The following BCAP31 variants were observed in gnomAD, a reference collection of about 807,000 sequenced individuals.
BCAP31 encodes the protein B cell receptor associated protein 31.
For synonymous variants in BCAP31, 75 were observed against 80.9 expected (o/e 0.93, Z 0.39); for missense variants, 124 against 193.0 (o/e 0.64, Z 2.12).
At chrX:153,718,392 C>T (rs1004878394) in intron 3 of BCAP31, among the ~76,000 whole-genome samples, 2 of 109,311 alleles carry the variant, frequency 1.8e-5, no homozygotes, top group Non-Finnish European at 3.8e-5. Flanking sequence ...ATTGGCTAGG[C>T]TCTGCTATGG....
Position 153,719,693 on chromosome X carries a change from T to A in BCAP31, c.193+1179A>T, listed in dbSNP as rs782391502. Among the ~76,000 whole-genome samples the A allele has an allele frequency of 2.7e-5, 3 of 110,426 alleles. 1 individual carries two copies. The South Asian group carries it at 1.2e-3, about 43-fold the overall frequency. ...AGGCACCACAGCTCTGAGACAAGAGTGGTGTCCACAGCAGAGCCAAGCCAA... is the reference window on the plus strand; with the variant it reads ...AGGCACCACAGCTCTGAGACAAGAGAGGTGTCCACAGCAGAGCCAAGCCAA... On this transcript the variant is annotated intron_variant, in intron 3 of 7. Transcript: ENST00000345046.
At position 153,707,383 on chromosome X, in the gene BCAP31, A is replaced by G. The variant is rs782718329; in HGVS notation, c.342-3289T>C. Among the ~76,000 whole-genome samples the G allele has an allele frequency of 7.7e-3, 828 of 107,327 alleles. 11 individuals carry two copies. Among genetic ancestry groups the G allele is most frequent in the African/African-American group, 0.024 (724 of 29,593 alleles). 93.2% of individuals were successfully genotyped at this position (107,327 alleles called of 115,157 possible). ...CCAGCAAGTATAGCTAAAAAAAAAA[A>G]GGGGGGGAGGGCGCGGGGCTGGGCT... On this transcript the variant is annotated intron_variant, in intron 4 of 7. Coordinates refer to ENST00000345046, the MANE Select transcript of BCAP31 (RefSeq NM_001256447.2).
intron 4 of BCAP31, among the ~76,000 whole-genome samples, chrX:153,707,584 G>A (rs2091563458): frequency 8.9e-6 from 1 of 112,026 alleles, no homozygotes; most frequent in Non-Finnish European, 1.9e-5. Flanking sequence ...GCTCAGTCTA[G>A]CAACAGAGGA....
At chrX:153,723,883 G>A in intron 1 of BCAP31, 2 of 533,253 alleles carry the variant, frequency 3.8e-6, no homozygotes, top group Non-Finnish European at 3.3e-6. Context: ...CCGGTGGGCT[G>A]GAGGCCCGCA....
intron 4 of BCAP31, among the ~76,000 whole-genome samples, chrX:153,710,708 C>G (rs2091585658): frequency 9.0e-6 from 1 of 111,439 alleles, no homozygotes. Flanking sequence ...GGCCCCCTTT[C>G]CCAATTACAA....
chrX:153,722,910 G>C (rs1475846723), intron 2 of BCAP31, among the ~76,000 whole-genome samples: 2 of 110,561 alleles, frequency 1.8e-5, no homozygotes, highest in African/African-American at 6.6e-5. Flanking sequence ...CCTGCCTCTC[G>C]GGGGCATTCT....
chrX:153,715,712 C>CA (rs1557049992), intron 3 of BCAP31, 23 bp from the exon 4 acceptor site: 1 of 1,208,237 alleles, frequency 8.3e-7, no homozygotes, highest in East Asian at 3.0e-5. Flanking sequence ...AGAGAGGAGA[C>CA]ACGGGCATTT....
chrX:153,724,037 C>A, intron 1 of BCAP31: 1 of 341,851 alleles, frequency 2.9e-6, no homozygotes, highest in South Asian at 2.6e-5. Flanking sequence ...CGGGCCCCAG[C>A]GCCCACCCAG....
intron 1 of BCAP31, 102 bp from the exon 2 acceptor site, chrX:153,723,390 C>G: frequency 8.9e-7 from 1 of 1,128,652 alleles, no homozygotes; most frequent in Non-Finnish European, 1.2e-6. Context: ...CCACCCTGAC[C>G]CCCTGCACTT....
In BCAP31 at chrX:153,723,610, G is replaced by A. The variant is rs782794716; in HGVS notation, c.-44-322C>T. ...TCCGACGCCCGTTTAACTGAAAGGCGTTCTTCGGGAAGAGCAGTGCCAGGG... is the reference window on the plus strand; with the variant it reads ...TCCGACGCCCGTTTAACTGAAAGGCATTCTTCGGGAAGAGCAGTGCCAGGG... On this transcript the variant is annotated intron_variant, in intron 1 of 7. Transcript: ENST00000345046. 45 of 1,167,032 alleles carry A rather than the reference G, an allele frequency of 3.9e-5. No homozygotes were observed. The African/African-American group carries it at 5.3e-4, about 14-fold the overall frequency.
At chrX:153,713,347 C>T (rs1366331716) in intron 4 of BCAP31, among the ~76,000 whole-genome samples, 2 of 111,998 alleles carry the variant, frequency 1.8e-5, no homozygotes, top group Non-Finnish European at 3.8e-5. Context: ...GGCATCTGGT[C>T]GTTAAGAACA....
intron 6 of BCAP31, chrX:153,702,375 G>C: frequency 3.5e-6 from 1 of 288,626 alleles, no homozygotes; most frequent in Non-Finnish European, 6.1e-6. Flanking sequence ...AGTGGCTCTC[G>C]GCAAGGGTAA....
intron 1 of BCAP31, 131 bp from the exon 2 acceptor site, chrX:153,723,419 G>T: frequency 8.8e-7 from 1 of 1,130,262 alleles, no homozygotes; most frequent in Non-Finnish European, 1.2e-6. Flanking sequence ...AGTCTCTGAT[G>T]CGCTGGCGGA....
intron 4 of BCAP31, among the ~76,000 whole-genome samples, chrX:153,708,967 C>G (rs1331107880): frequency 8.9e-6 from 1 of 112,050 alleles, no homozygotes; most frequent in East Asian, 2.8e-4. Context: ...CTCCAGCCCA[C>G]GACCCAGATG....
At chrX:153,708,698 G>C (rs1293010440) in intron 4 of BCAP31, among the ~76,000 whole-genome samples, 1 of 112,932 alleles carries the variant, frequency 8.9e-6, no homozygotes, top group Non-Finnish European at 1.9e-5. Context: ...GAAGAAGAAT[G>C]ACTAACACCA....
chrX:153,703,036 T>C lies in BCAP31; in HGVS notation c.500A>G (p.Lys167Arg). 1 of 1,209,488 alleles carries C rather than the reference T, an allele frequency of 8.3e-7. No individual in the cohort carries two copies. Among genetic ancestry groups the C allele is most frequent in the Non-Finnish European group, 1.1e-6 (1 of 895,128 alleles). ...CACCTCAGCATTCCCGACATCCAAC[T>C]TGCCTCCGTCAACAGCAGCTCCCTG... The part of the protein sequence containing the change: ...LKKGAAVDGG[K>R]LDVGNAEVKL... Residue 167 changes from lysine to arginine, a missense_variant, in exon 6 of 8, where the codon AAG (lysine) becomes AGG (arginine). Coordinates refer to ENST00000345046, the MANE Select transcript of BCAP31 (RefSeq NM_001256447.2).
intron 4 of BCAP31, among the ~76,000 whole-genome samples, chrX:153,707,013 G>A (rs1337631784): frequency 5.4e-5 from 6 of 111,306 alleles, no homozygotes; most frequent in Admixed American, 4.7e-4. Flanking sequence ...CACTAACCAC[G>A]TGGCCCCCTG....
At chrX:153,714,804 T>A (rs1333130749) in intron 4 of BCAP31, among the ~76,000 whole-genome samples, 1 of 110,949 alleles carries the variant, frequency 9.0e-6, no homozygotes, top group African/African-American at 3.3e-5. Flanking sequence ...GAGAAGTGAT[T>A]AAGTGATGAG....
At position 153,724,377 on chromosome X, in the gene BCAP31, A is replaced by G; in HGVS notation, c.-88T>C. The stretch of plus-strand genomic sequence containing the variant: ...CGTGCAGGCCCCGCCGCAGCAACAG[A>G]ACTCTCCCACAGCAGCCCCGGCCCC... On this transcript the variant is annotated 5_prime_UTR_variant, in exon 1 of 8. Transcript: ENST00000345046. 8.0e-6 allele frequency: 1 copy of G among 124,915 alleles called. No individual in the cohort carries two copies. The highest frequency in any genetic ancestry group is 1.6e-5 in the Non-Finnish European group (1 of 61,688). 10.3% of individuals were successfully genotyped at this position (124,915 alleles called of 1,213,427 possible).
Sources: allele counts gnomAD v4.1 joint callset (sites outside exome capture counted in the v4.1 genomes callset), GRCh38; gene constraint gnomAD v4.1.1; transcripts MANE v1.5; gene names NCBI Gene and HGNC (gene_info 2026-07-23, HGNC 2026-07-21).